The following GLIS3 variants were observed in gnomAD, a reference collection of about 807,000 sequenced individuals.
The protein encoded by GLIS3 is zinc finger protein GLIS3.
A neutral mutation model predicts 78.6 loss-of-function variants in GLIS3; 53 were observed. The observed-to-expected ratio is 0.67, with a 90% CI of 0.54 to 0.85. The LOEUF (loss-of-function observed/expected upper bound fraction) is 0.85, where lower values mean the gene tolerates loss of function less well. Ranked by LOEUF, GLIS3 falls within the 40% of genes least tolerant of loss-of-function variation. The pLI, the probability that GLIS3 is intolerant of heterozygous loss-of-function variation, is 0.00. For missense variants in GLIS3, 1,703 were observed against 1,231.1 expected (o/e 1.38, Z -5.74); for synonymous variants, 684 against 509.9 (o/e 1.34, Z -4.60).
intron 2 of GLIS3, among the ~76,000 whole-genome samples, chr9:4,320,177 T>A (rs1204082248): frequency 6.6e-6 from 1 of 152,236 alleles, no homozygotes; most frequent in African/African-American, 2.4e-5. Context: ...TCATGTTTTT[T>A]ATAGGTCAAC....
At chr9:4,279,639 G>C (rs1401725979) in intron 2 of GLIS3, among the ~76,000 whole-genome samples, 1 of 151,938 alleles carries the variant, frequency 6.6e-6, no homozygotes, top group Non-Finnish European at 1.5e-5. Flanking sequence ...TTTACTGTCT[G>C]TGGTTGGATA....
chr9:4,314,181 A>G (rs930032339), intron 2 of GLIS3, among the ~76,000 whole-genome samples: 2 of 152,254 alleles, frequency 1.3e-5, no homozygotes, highest in African/African-American at 4.8e-5. Flanking sequence ...AAGTGAATTA[A>G]TATTTATAAA....
At chr9:4,466,791 G>C in the GLIS3 span, among the ~76,000 whole-genome samples, 4 of 152,222 alleles carry the variant, frequency 2.6e-5, no homozygotes, top group Non-Finnish European at 5.9e-5. Context: ...TTGTCAGACA[G>C]TGGGTGCAGC....
At chr9:4,090,482 T>G (rs1423404779) in intron 4 of GLIS3, among the ~76,000 whole-genome samples, 1 of 149,744 alleles carries the variant, frequency 6.7e-6, no homozygotes, top group Non-Finnish European at 1.5e-5. Context: ...AATGAGGCTC[T>G]CCAGGCAGAA....
the GLIS3 span, among the ~76,000 whole-genome samples, chr9:4,390,146 A>G: frequency 6.6e-6 from 1 of 152,242 alleles, no homozygotes; most frequent in Non-Finnish European, 1.5e-5. Flanking sequence ...AGATCATGAC[A>G]TGTTTGAAGA....
intron 2 of GLIS3, among the ~76,000 whole-genome samples, chr9:4,338,042 G>GTC (rs772375723): frequency 1.4e-5 from 1 of 72,792 alleles, no homozygotes; most frequent in Admixed American, 1.5e-4. Flanking sequence ...GTGTGTGTGT[G>GTC]TGTGTGTGTG....
upstream of GLIS3, among the ~76,000 whole-genome samples, chr9:4,351,872 A>T (rs916915846): frequency 6.6e-6 from 1 of 152,196 alleles, no homozygotes. Context: ...TTCTTAAAAA[A>T]AAAATGCACA....
chr9:3,847,156 C>A (rs1819101717), intron 9 of GLIS3, among the ~76,000 whole-genome samples: 2 of 152,038 alleles, frequency 1.3e-5, no homozygotes, highest in South Asian at 4.2e-4. Flanking sequence ...TGTACTCCAG[C>A]CTGGGCGACA....
chr9:4,115,737 C>T (rs971703312), intron 4 of GLIS3, among the ~76,000 whole-genome samples: 15 of 151,988 alleles, frequency 9.9e-5, no homozygotes, highest in Admixed American at 3.9e-4. Context: ...AATATATAGC[C>T]CCAGAACTAG....
chr9:4,251,050 TG>T (rs1824323773), intron 2 of GLIS3, among the ~76,000 whole-genome samples: 1 of 152,202 alleles, frequency 6.6e-6, no homozygotes, highest in African/African-American at 2.4e-5. Context: ...TTAGAATAAA[TG>T]TGATGTGGTG....
At chr9:4,203,215 T>C (rs907636078) in intron 2 of GLIS3, among the ~76,000 whole-genome samples, 1 of 152,154 alleles carries the variant, frequency 6.6e-6, no homozygotes, top group African/African-American at 2.4e-5. Flanking sequence ...CCAACAGACA[T>C]GAAGAAATGC....
chr9:4,348,184 G>C (rs761830099), intron 1 of GLIS3: 3 of 152,180 alleles, frequency 2.0e-5, no homozygotes, highest in Non-Finnish European at 4.4e-5. Flanking sequence ...AGGTTTGTCT[G>C]CATGTAAGAG....
At chr9:4,370,183 CAAAAAAAAAAA>C in the GLIS3 span, among the ~76,000 whole-genome samples, 1 of 88,380 alleles carries the variant, frequency 1.1e-5, no homozygotes, top group Admixed American at 1.3e-4. Flanking sequence ...GACTCCATCT[CAAAAAAAAAAA>C]AAAAAAAAAC....
intron 2 of GLIS3, among the ~76,000 whole-genome samples, chr9:4,184,417 T>C (rs1020062742): frequency 6.6e-6 from 1 of 152,212 alleles, no homozygotes; most frequent in Non-Finnish European, 1.5e-5. Flanking sequence ...CCAGCAGCTG[T>C]ATTCGAATAC....
At chr9:4,142,345 A>T (rs1833874049) in intron 2 of GLIS3, among the ~76,000 whole-genome samples, 3 of 152,230 alleles carry the variant, frequency 2.0e-5, no homozygotes, top group African/African-American at 7.2e-5. Flanking sequence ...AAGAGAGTAA[A>T]TAACACATAA....
intron 2 of GLIS3, among the ~76,000 whole-genome samples, chr9:4,210,021 T>C (rs1820245701): frequency 6.6e-6 from 1 of 152,196 alleles, no homozygotes; most frequent in Non-Finnish European, 1.5e-5. Flanking sequence ...TTTCAGGAAA[T>C]GTAAGGATGA....
At chr9:4,146,189 A>G (rs1834209552) in intron 2 of GLIS3, among the ~76,000 whole-genome samples, 1 of 152,170 alleles carries the variant, frequency 6.6e-6, no homozygotes, top group African/African-American at 2.4e-5. Context: ...TTCATGAAAC[A>G]AAGTCTTTAT....
the GLIS3 span, among the ~76,000 whole-genome samples, chr9:4,411,606 T>G: frequency 3.9e-5 from 6 of 152,228 alleles, no homozygotes; most frequent in African/African-American, 1.4e-4. Context: ...GCTTTAATCT[T>G]CCATTTGACC....
At chr9:4,251,165 C>A (rs6476828) in intron 2 of GLIS3, among the ~76,000 whole-genome samples, 147,068 of 152,248 alleles carry the variant, frequency 0.97, 71,231 homozygotes, top group East Asian at 1. Context: ...TATCCTTGTT[C>A]ATTTTCTGTC....
Sources: gnomAD v4.1 joint callset for allele counts (sites outside exome capture counted in the v4.1 genomes callset) on GRCh38, gnomAD v4.1.1 for gene constraint, MANE v1.5 for transcripts, NCBI Gene and HGNC (gene_info 2026-07-23, HGNC 2026-07-21) for gene names.